Variants in EBF1 observed in about 807,000 individuals in gnomAD.
EBF1 encodes transcription factor COE1.
EBF1 carries 10 observed loss-of-function variants against 68.4 expected under a neutral mutation model. That is an observed-to-expected ratio of 0.15 (90% confidence interval 0.09 to 0.25). The LOEUF (loss-of-function observed/expected upper bound fraction) is 0.25. EBF1 is among the 10% of genes least tolerant of loss of function. The probability of loss-of-function intolerance (pLI) is 1.00; values close to 1 mark genes in which losing one functional copy is unlikely to be tolerated. For missense variants in EBF1, 509 were observed against 794.4 expected, an observed-to-expected ratio of 0.64 and a Z score of 4.32; for synonymous variants, 298 against 299.8, an observed-to-expected ratio of 0.99 and a Z score of 0.06.
chr5:158,873,425 A>G (rs1257631521), intron 6 of EBF1, among the ~76,000 whole-genome samples: 3 of 152,192 alleles, frequency 2.0e-5, no homozygotes, highest in Non-Finnish European at 4.4e-5. Flanking sequence ...TCAATCACTC[A>G]TAACAGCACC....
intron 6 of EBF1, among the ~76,000 whole-genome samples, chr5:158,906,334 C>G (rs1804611317): frequency 6.7e-6 from 1 of 149,572 alleles, no homozygotes; most frequent in Admixed American, 6.6e-5. Context: ...CAAAGAGACT[C>G]CAGGTAAAAT....
At chr5:158,740,615 G>T (rs1766126059) in intron 10 of EBF1, among the ~76,000 whole-genome samples, 1 of 152,166 alleles carries the variant, frequency 6.6e-6, no homozygotes, top group Non-Finnish European at 1.5e-5. Context: ...GAATTACAGA[G>T]AACTTACAAC....
intron 6 of EBF1, among the ~76,000 whole-genome samples, chr5:158,884,652 T>C (rs955404080): frequency 2.0e-5 from 3 of 151,962 alleles, no homozygotes; most frequent in Admixed American, 2.0e-4. Flanking sequence ...CCTTTGGGGG[T>C]ATGTCAGAAA....
At chr5:158,715,809 T>C (rs993770053) in intron 11 of EBF1, among the ~76,000 whole-genome samples, 4 of 152,194 alleles carry the variant, frequency 2.6e-5, no homozygotes, top group Non-Finnish European at 4.4e-5. Context: ...CTGTGTTGCC[T>C]TCACTAAAAC....
Position 159,097,415 on chromosome 5 carries a change from A to G in EBF1, c.135-285T>C, listed in dbSNP as rs1038110963. ...TTTGCGCGCGAGATGAAACTCTATA[A>G]GCATTTACTCCTACCTGACACGCAC... is the stretch of plus-strand genomic sequence containing the variant. On this transcript the variant is annotated intron_variant, in intron 1 of 15. Coordinates refer to ENST00000313708, the MANE Select transcript of EBF1 (RefSeq NM_024007.5). 10 of 474,196 alleles carry G rather than the reference A, an allele frequency of 2.1e-5. No homozygotes were observed. In the South Asian group the frequency reaches 3.0e-4, roughly 14 times the overall value. 29.4% of individuals were successfully genotyped at this position (474,196 alleles called of 1,614,324 possible).
At position 158,716,255 on chromosome 5, in the gene EBF1, CT is replaced by C. The variant is rs899718803; in HGVS notation, c.1126-2074del. Among the ~76,000 whole-genome samples, 75 of 150,016 alleles carry C rather than the reference CT, an allele frequency of 5.0e-4. 1 individual carries two copies. The highest frequency in any genetic ancestry group is 2.9e-3 in the Admixed American group (43 of 15,034). The stretch of plus-strand genomic sequence containing the variant: ...TAGAGTTTTTCAATGACAAAATCTA[CT>C]TTTTTTTTTCTCCTTATGTCGATAT... On this transcript the variant is annotated intron_variant, in intron 11 of 15. Coordinates refer to ENST00000313708, the MANE Select transcript of EBF1 (RefSeq NM_024007.5).
chr5:158,759,490 T>C (rs991743925), intron 10 of EBF1, among the ~76,000 whole-genome samples: 1 of 151,828 alleles, frequency 6.6e-6, no homozygotes, highest in African/African-American at 2.4e-5. Flanking sequence ...GATCACAGAG[T>C]GGCTGGGGGA....
At chr5:159,074,340 ACGAT>A (rs1237621661) in intron 5 of EBF1, among the ~76,000 whole-genome samples, 5 of 152,200 alleles carry the variant, frequency 3.3e-5, no homozygotes, top group African/African-American at 1.2e-4. Context: ...TCAACAGAAA[ACGAT>A]CCATCTGAAA....
At chr5:158,795,645 A>G (rs555119446) in intron 9 of EBF1, among the ~76,000 whole-genome samples, 2 of 152,352 alleles carry the variant, frequency 1.3e-5, no homozygotes, top group East Asian at 3.9e-4. Context: ...CACGGCATCT[A>G]TATAACGGGA....
intron 8 of EBF1, among the ~76,000 whole-genome samples, chr5:158,822,640 G>A (rs1218392291): frequency 6.6e-6 from 1 of 152,154 alleles, no homozygotes; most frequent in African/African-American, 2.4e-5. Context: ...CATTTGGTCT[G>A]GGCTTCATAT....
intron 8 of EBF1, among the ~76,000 whole-genome samples, chr5:158,810,556 C>G (rs1037307520): frequency 6.6e-6 from 1 of 152,076 alleles, no homozygotes; most frequent in Non-Finnish European, 1.5e-5. Context: ...TGTCCCTGTT[C>G]CCTGGGTCCC....
chr5:158,737,097 T>C (rs1350841787), intron 10 of EBF1, among the ~76,000 whole-genome samples: 1 of 152,006 alleles, frequency 6.6e-6, no homozygotes, highest in Non-Finnish European at 1.5e-5. Context: ...CTGGTGCCCC[T>C]GCCTCGGAGA....
At chr5:158,921,042 GCTTAGA>G (rs1808312680) in intron 6 of EBF1, among the ~76,000 whole-genome samples, 1 of 152,236 alleles carries the variant, frequency 6.6e-6, no homozygotes, top group Non-Finnish European at 1.5e-5. Flanking sequence ...CATTTGCAGT[GCTTAGA>G]CTTGTAGAGA....
At chr5:158,795,795 G>C (rs1779516041) in intron 9 of EBF1, among the ~76,000 whole-genome samples, 1 of 152,146 alleles carries the variant, frequency 6.6e-6, no homozygotes, top group Non-Finnish European at 1.5e-5. Context: ...CACACACTGA[G>C]ATGCTTGAGA....
intron 6 of EBF1, among the ~76,000 whole-genome samples, chr5:159,012,801 G>A (rs1764929809): frequency 6.6e-6 from 1 of 152,150 alleles, no homozygotes; most frequent in South Asian, 2.1e-4. Context: ...ACCCAGCCTT[G>A]GAGACAGGGT....
At chr5:159,094,185 A>C (rs887484681) in intron 4 of EBF1, among the ~76,000 whole-genome samples, 17 of 147,294 alleles carry the variant, frequency 1.2e-4, no homozygotes, top group East Asian at 3.9e-4. Context: ...AAAAAAAAAA[A>C]AAAAAAAAAC....
chr5:158,807,004 C>T (rs1312060154), intron 8 of EBF1, among the ~76,000 whole-genome samples: 1 of 152,058 alleles, frequency 6.6e-6, no homozygotes, highest in African/African-American at 2.4e-5. Context: ...TCAGTCATAC[C>T]AGCCACATTT....
At chr5:159,079,741 A>G (rs1338508413) in intron 5 of EBF1, among the ~76,000 whole-genome samples, 1 of 151,084 alleles carries the variant, frequency 6.6e-6, no homozygotes, top group Non-Finnish European at 1.5e-5. Flanking sequence ...CCTCCCGAGT[A>G]GCTTGGACCA....
intron 6 of EBF1, among the ~76,000 whole-genome samples, chr5:158,963,370 G>C (rs1033843666): frequency 2.0e-5 from 3 of 152,164 alleles, no homozygotes; most frequent in African/African-American, 7.2e-5. Flanking sequence ...TTCTTTGAAG[G>C]TTTCATCTCC....
Sources: allele counts gnomAD v4.1 joint callset (sites outside exome capture counted in the v4.1 genomes callset), GRCh38; gene constraint gnomAD v4.1.1; transcripts MANE v1.5; gene names NCBI Gene and HGNC (gene_info 2026-07-23, HGNC 2026-07-21).